Variants in NAA11 observed in about 807,000 individuals in gnomAD.
NAA11 encodes the protein N-alpha-acetyltransferase 11.
Under a neutral mutation model 16.1 loss-of-function variants are expected in NAA11, and 15 were observed. That is an observed-to-expected ratio of 0.93 (90% CI 0.62 to 1.44). The LOEUF (loss-of-function observed/expected upper bound fraction) is 1.44, where lower values mean the gene tolerates loss of function less well. Ranked by LOEUF, NAA11 falls within the 40% of genes most tolerant of loss-of-function variation. NAA11 has a pLI of 0.00. For synonymous variants in NAA11, 122 were observed against 112.4 expected (o/e 1.09, Z -0.54); for missense variants, 298 against 291.3 (o/e 1.02, Z -0.17).
the NAA11 span, among the ~76,000 whole-genome samples, chr4:79,219,340 A>G: frequency 1.3e-5 from 2 of 152,170 alleles, no homozygotes; most frequent in African/African-American, 4.8e-5. Flanking sequence ...ACAGACTATA[A>G]CTGACCTAAT....
chr4:79,175,491 A>G, the NAA11 span, among the ~76,000 whole-genome samples: 1 of 152,104 alleles, frequency 6.6e-6, no homozygotes, highest in African/African-American at 2.4e-5. Flanking sequence ...TCAACAAGCA[A>G]TGTACCTGAA....
intron 2 of NAA11, among the ~76,000 whole-genome samples, chr4:79,272,380 T>C (rs1222416013): frequency 6.6e-6 from 1 of 152,050 alleles, no homozygotes; most frequent in Non-Finnish European, 1.5e-5. Flanking sequence ...GACTGTCAGA[T>C]ATATATTTAG....
At chr4:79,288,668 C>T (rs1228832460) in intron 2 of NAA11, among the ~76,000 whole-genome samples, 1 of 152,106 alleles carries the variant, frequency 6.6e-6, no homozygotes, top group African/African-American at 2.4e-5. Context: ...TCATTATTTA[C>T]ATTTCTGAAT....
the NAA11 span, among the ~76,000 whole-genome samples, chr4:79,171,922 C>A: frequency 1.3e-5 from 2 of 152,034 alleles, no homozygotes; most frequent in African/African-American, 4.8e-5. Context: ...AGGAAAAGTG[C>A]CTAGCACAAA....
At chr4:79,225,155 G>A (rs961357696), downstream of NAA11, among the ~76,000 whole-genome samples, 6 of 151,984 alleles carry the variant, frequency 3.9e-5, no homozygotes, top group Admixed American at 1.3e-4. Flanking sequence ...CCATACTAAT[G>A]TAAGATATTA....
At chr4:79,303,797 GAAGT>G (rs1162124895) in intron 1 of NAA11, among the ~76,000 whole-genome samples, 1 of 152,198 alleles carries the variant, frequency 6.6e-6, no homozygotes, top group Non-Finnish European at 1.5e-5. Flanking sequence ...GGAACCAAAA[GAAGT>G]AAGAGTATGA....
At chr4:79,257,181 A>T (rs938513633) in intron 2 of NAA11, among the ~76,000 whole-genome samples, 10 of 152,136 alleles carry the variant, frequency 6.6e-5, no homozygotes, top group African/African-American at 2.4e-4. Context: ...TACTATTATT[A>T]CATTGACAGA....
the NAA11 span, among the ~76,000 whole-genome samples, chr4:79,198,650 A>G: frequency 6.6e-6 from 1 of 151,848 alleles, no homozygotes; most frequent in Non-Finnish European, 1.5e-5. Flanking sequence ...TCTAGAGAGA[A>G]CAGCGACATT....
At chr4:79,278,128 G>T (rs1722704516) in intron 2 of NAA11, among the ~76,000 whole-genome samples, 1 of 151,840 alleles carries the variant, frequency 6.6e-6, no homozygotes, top group South Asian at 2.1e-4. Context: ...CAGTCCTAGG[G>T]ATTTAAATTT....
chr4:79,261,997 A>T (rs1722252160), intron 2 of NAA11, among the ~76,000 whole-genome samples: 1 of 152,122 alleles, frequency 6.6e-6, no homozygotes, highest in South Asian at 2.1e-4. Flanking sequence ...TCAAAAGACT[A>T]TTAAAACATT....
chr4:79,175,492 T>C, the NAA11 span, among the ~76,000 whole-genome samples: 6 of 152,100 alleles, frequency 3.9e-5, no homozygotes, highest in African/African-American at 1.4e-4. Context: ...CAACAAGCAA[T>C]GTACCTGAAG....
the NAA11 span, among the ~76,000 whole-genome samples, chr4:79,210,597 AAGG>A: frequency 2.0e-5 from 3 of 152,142 alleles, no homozygotes; most frequent in Admixed American, 1.3e-4. Context: ...ATAAATTTAA[AAGG>A]AGGGGTTAGC....
At chr4:79,281,496 G>T (rs1008991952) in intron 2 of NAA11, among the ~76,000 whole-genome samples, 2 of 151,900 alleles carry the variant, frequency 1.3e-5, no homozygotes, top group Non-Finnish European at 2.9e-5. Flanking sequence ...ATCATGCACT[G>T]TTATATCTAC....
intron 2 of NAA11, among the ~76,000 whole-genome samples, chr4:79,267,472 G>A (rs745313333): frequency 2.6e-5 from 4 of 152,170 alleles, no homozygotes; most frequent in African/African-American, 4.8e-5. Flanking sequence ...TTTCTCTACT[G>A]CAAAATGAAG....
chr4:79,220,437 CTGTGTGTGTGTGTGTGTGTGTG>C, the NAA11 span, among the ~76,000 whole-genome samples: 2 of 142,948 alleles, frequency 1.4e-5, no homozygotes, highest in Non-Finnish European at 3.1e-5. Context: ...GTGTGTGTGT[CTGTGTGTGTGTGTGTGTGTGTG>C]TGTGTGTGTG....
the NAA11 span, among the ~76,000 whole-genome samples, chr4:79,174,848 G>A: frequency 2.0e-5 from 3 of 152,160 alleles, no homozygotes; most frequent in Non-Finnish European, 2.9e-5. Context: ...CCTCTTATCC[G>A]AATGCAAATA....
intron 1 of NAA11, among the ~76,000 whole-genome samples, chr4:79,322,503 G>GTA (rs1724126445): frequency 3.6e-5 from 3 of 83,698 alleles, no homozygotes; most frequent in East Asian, 7.4e-4. Context: ...GTGTGTGTGT[G>GTA]TGTATATATA....
chr4:79,274,084 TG>T (rs930342138), intron 2 of NAA11, among the ~76,000 whole-genome samples: 5 of 152,096 alleles, frequency 3.3e-5, no homozygotes, highest in Middle Eastern at 3.4e-3. Flanking sequence ...GGTGACCAGG[TG>T]GGGTGTGTTA....
the NAA11 span, among the ~76,000 whole-genome samples, chr4:79,220,437 C>CTGTGTGTG: frequency 1.2e-4 from 17 of 142,948 alleles, no homozygotes; most frequent in African/African-American, 4.0e-4. Context: ...GTGTGTGTGT[C>CTGTGTGTG]TGTGTGTGTG....
Sources: gnomAD v4.1 joint callset for allele counts (sites outside exome capture counted in the v4.1 genomes callset) on GRCh38, gnomAD v4.1.1 for gene constraint, MANE v1.5 for transcripts, NCBI Gene and HGNC (gene_info 2026-07-23, HGNC 2026-07-21) for gene names.